Variants in SOX5 observed in about 807,000 individuals in gnomAD.
SOX5 encodes transcription factor SOX-5.
A neutral mutation model predicts 92.0 loss-of-function variants in SOX5; 9 were observed. The observed-to-expected ratio is 0.10, with a 90% CI of 0.06 to 0.17. SOX5 has a LOEUF of 0.17. Among genes scored for constraint, SOX5 ranks in the 10% least tolerant of loss-of-function variants. The probability of loss-of-function intolerance (pLI) is 1.00; values close to 1 mark genes in which losing one functional copy is unlikely to be tolerated. For synonymous variants in SOX5, 344 were observed against 336.3 expected (o/e 1.02, Z -0.25); for missense variants, 642 against 944.5 (o/e 0.68, Z 4.20).
chr12:24,322,114 A>C (rs1233482048), intron 2 of SOX5, among the ~76,000 whole-genome samples: 1 of 152,200 alleles, frequency 6.6e-6, no homozygotes, highest in Admixed American at 6.5e-5. Flanking sequence ...AACAGCAGTG[A>C]GATCAAATTC....
chr12:24,511,362 A>G (rs1949286140), intron 1 of SOX5, among the ~76,000 whole-genome samples: 1 of 152,220 alleles, frequency 6.6e-6, no homozygotes, highest in African/African-American at 2.4e-5. Flanking sequence ...ACAATACCCA[A>G]TGTTCCATGA....
chr12:24,505,854 CGT>C (rs952252318), intron 1 of SOX5, among the ~76,000 whole-genome samples: 31 of 91,192 alleles, frequency 3.4e-4, no homozygotes, highest in Middle Eastern at 6.6e-3. Flanking sequence ...TGTGTGTGTG[CGT>C]GTGTGTGTGT....
At chr12:24,378,095 G>A (rs1193976889) in intron 1 of SOX5, among the ~76,000 whole-genome samples, 1 of 152,180 alleles carries the variant, frequency 6.6e-6, no homozygotes. Context: ...TAATTTTACT[G>A]GCAAAGTTTT....
chr12:24,263,532 AAAAAAAAAC>A (rs1272415125), intron 3 of SOX5, among the ~76,000 whole-genome samples: 2 of 139,504 alleles, frequency 1.4e-5, no homozygotes, highest in African/African-American at 5.8e-5. Context: ...CGTCTCAAAA[AAAAAAAAAC>A]AAAAAAAAAA....
chr12:24,091,960 C>T (rs1196262524), intron 4 of SOX5, among the ~76,000 whole-genome samples: 1 of 152,158 alleles, frequency 6.6e-6, no homozygotes, highest in African/African-American at 2.4e-5. Context: ...ACATGGCTTA[C>T]CTATCCAGCC....
At chr12:23,626,535 G>C (rs905847695) in intron 8 of SOX5, among the ~76,000 whole-genome samples, 5 of 152,002 alleles carry the variant, frequency 3.3e-5, no homozygotes. Flanking sequence ...TCAAATCAAT[G>C]CTTGCCTCAT....
chr12:24,158,717 C>G (rs756699740), intron 4 of SOX5, among the ~76,000 whole-genome samples: 19 of 151,864 alleles, frequency 1.3e-4, no homozygotes, highest in Non-Finnish European at 2.1e-4. Context: ...CCTCAAAAAG[C>G]AAAACTCCTC....
intron 3 of SOX5, among the ~76,000 whole-genome samples, chr12:23,807,498 A>G (rs929856454): frequency 6.6e-6 from 1 of 152,170 alleles, no homozygotes; most frequent in African/African-American, 2.4e-5. Context: ...TTGCAAGCCA[A>G]GAAGTATCAA....
chr12:23,770,954 C>T lies in SOX5; in HGVS notation c.482-15230G>A, dbSNP rs151141922. Reference sequence around the variant, plus strand: ...TTATAAACATGCTATATCTTTCTGTCACAGTGGAGATATTCAATAAAAACA... The same window carrying T: ...TTATAAACATGCTATATCTTTCTGTTACAGTGGAGATATTCAATAAAAACA... On this transcript the variant is annotated intron_variant, in intron 3 of 14. Transcript: ENST00000451604. Among the ~76,000 whole-genome samples the T allele has an allele frequency of 3.5e-3, 530 of 152,126 alleles. 8 individuals carry two copies. Among genetic ancestry groups the T allele is most frequent in the African/African-American group, 0.012 (509 of 41,516 alleles).
At chr12:23,623,443 G>A (rs1488163467) in intron 8 of SOX5, among the ~76,000 whole-genome samples, 1 of 152,042 alleles carries the variant, frequency 6.6e-6, no homozygotes, top group East Asian at 1.9e-4. Context: ...TAGATTATAA[G>A]ATGTAGCCCA....
chr12:23,648,802 T>C (rs966087628), intron 7 of SOX5, among the ~76,000 whole-genome samples: 4 of 152,186 alleles, frequency 2.6e-5, no homozygotes, highest in Admixed American at 1.3e-4. Context: ...TATACAGCCA[T>C]ATGTCAATAT....
At chr12:23,943,157 C>G (rs1943967411) in intron 1 of SOX5, among the ~76,000 whole-genome samples, 1 of 151,870 alleles carries the variant, frequency 6.6e-6, no homozygotes, top group Non-Finnish European at 1.5e-5. Flanking sequence ...GAAACCAAAA[C>G]TCATTCACAA....
intron 2 of SOX5, among the ~76,000 whole-genome samples, chr12:24,298,101 C>T (rs1042394794): frequency 1.3e-5 from 2 of 152,172 alleles, no homozygotes; most frequent in East Asian, 3.9e-4. Flanking sequence ...GAGACAGGGT[C>T]TCACTCTGTC....
intron 10 of SOX5, among the ~76,000 whole-genome samples, chr12:23,570,763 T>G (rs1178255091): frequency 6.6e-6 from 1 of 150,436 alleles, no homozygotes; most frequent in Non-Finnish European, 1.5e-5. Flanking sequence ...TCAAAAAAAT[T>G]AGCCGGGCGT....
chr12:23,930,596 G>A (rs191980874), intron 1 of SOX5, among the ~76,000 whole-genome samples: 3 of 151,772 alleles, frequency 2.0e-5, no homozygotes, highest in Non-Finnish European at 3.0e-5. Flanking sequence ...ACATTTATTA[G>A]GTACTCAAAA....
intron 1 of SOX5, among the ~76,000 whole-genome samples, chr12:24,397,858 T>C (rs1381831320): frequency 6.6e-6 from 1 of 151,820 alleles, no homozygotes; most frequent in Admixed American, 6.6e-5. Flanking sequence ...TTTATTTATT[T>C]ATTTATTTTG....
At chr12:24,131,917 A>AT (rs935292155) in intron 4 of SOX5, among the ~76,000 whole-genome samples, 2 of 151,152 alleles carry the variant, frequency 1.3e-5, no homozygotes, top group East Asian at 1.9e-4. Flanking sequence ...GATTTCCTGC[A>AT]TTTTTTCTTT....
chr12:24,248,600 G>T (rs781114247), intron 3 of SOX5, among the ~76,000 whole-genome samples: 2 of 152,114 alleles, frequency 1.3e-5, no homozygotes, highest in Admixed American at 6.5e-5. Flanking sequence ...GGCCAGGCTG[G>T]TCTCTAAATC....
At chr12:23,785,265 T>C (rs2095358949) in intron 3 of SOX5, among the ~76,000 whole-genome samples, 1 of 152,178 alleles carries the variant, frequency 6.6e-6, no homozygotes, top group African/African-American at 2.4e-5. Context: ...ATTTAGACAT[T>C]ACTTTAAAAT....
Sources: gnomAD v4.1 joint callset for allele counts (sites outside exome capture counted in the v4.1 genomes callset) on GRCh38, gnomAD v4.1.1 for gene constraint, MANE v1.5 for transcripts, NCBI Gene and HGNC (gene_info 2026-07-23, HGNC 2026-07-21) for gene names.